The following ATP1B1 variants were observed in gnomAD, a reference collection of about 807,000 sequenced individuals.
ATP1B1 encodes the protein sodium/potassium-transporting ATPase subunit beta-1.
ATP1B1 carries 3 observed loss-of-function variants against 39.6 expected under a neutral mutation model. The ratio of observed to expected loss-of-function variants is 0.08; its 90% confidence interval spans 0.03 to 0.20. The LOEUF (loss-of-function observed/expected upper bound fraction) is 0.20. Among genes scored for constraint, ATP1B1 ranks in the 10% least tolerant of loss-of-function variants. The pLI, the probability that ATP1B1 is intolerant of heterozygous loss-of-function variation, is 1.00. For synonymous variants in ATP1B1, 139 were observed against 135.0 expected (o/e 1.03, Z -0.20); for missense variants, 216 against 371.1 (o/e 0.58, Z 3.43).
intron 2 of ATP1B1, among the ~76,000 whole-genome samples, chr1:169,123,819 G>A (rs183924800): frequency 6.6e-6 from 1 of 152,154 alleles, no homozygotes; most frequent in East Asian, 1.9e-4. Flanking sequence ...TAGAGACGGA[G>A]TTTCACCATG....
chr1:169,109,924 C>T (rs1657692160), intron 1 of ATP1B1, among the ~76,000 whole-genome samples: 1 of 152,064 alleles, frequency 6.6e-6, no homozygotes, highest in East Asian at 1.9e-4. Flanking sequence ...CCTACTGCTG[C>T]TTGGATACAG....
chr1:169,113,357 A>T (rs1657767560), intron 2 of ATP1B1, among the ~76,000 whole-genome samples: 2 of 152,112 alleles, frequency 1.3e-5, no homozygotes, highest in Admixed American at 1.3e-4. Context: ...ATGAGCTACC[A>T]TGCCTGGCCT....
intron 1 of ATP1B1, 75 bp from the exon 2 acceptor site, chr1:169,111,295 C>A: frequency 6.4e-7 from 1 of 1,574,704 alleles, no homozygotes; most frequent in South Asian, 1.1e-5. Flanking sequence ...GAAGCTTGTT[C>A]ATCCGTGGGA....
At chr1:169,123,768 A>T (rs1658033906) in intron 2 of ATP1B1, among the ~76,000 whole-genome samples, 1 of 152,002 alleles carries the variant, frequency 6.6e-6, no homozygotes, top group Non-Finnish European at 1.5e-5. Flanking sequence ...CTGGAATTAC[A>T]GGTGTGTGTC....
At position 169,131,043 on chromosome 1, in the gene ATP1B1, G is replaced by T. The variant is rs1163008611; in HGVS notation, c.649-249G>T. ...CAGCAAGGTGTTTCTGCCTTTCAAT[G>T]TTGGCCTTGTTTCTAGGAGGCTTGA... On this transcript the variant is annotated intron_variant, in intron 5 of 5. Transcript: ENST00000367815. The surrounding 1 kb of genome is among the most constrained non-coding windows in gnomAD (Gnocchi z 4.4). Among the ~76,000 whole-genome samples, 1 of 152,174 alleles carries T rather than the reference G, an allele frequency of 6.6e-6. No individual in the cohort carries two copies. The highest frequency in any genetic ancestry group is 1.5e-5 in the Non-Finnish European group (1 of 68,038).
intron 1 of ATP1B1, among the ~76,000 whole-genome samples, chr1:169,108,730 T>G (rs190408248): frequency 6.6e-6 from 1 of 152,308 alleles, no homozygotes; most frequent in Non-Finnish European, 1.5e-5. Context: ...GTGTGTCAAT[T>G]TTTATGTCTT....
chr1:169,115,536 A>T (rs1190935832), intron 2 of ATP1B1, among the ~76,000 whole-genome samples: 1 of 151,706 alleles, frequency 6.6e-6, no homozygotes, highest in Non-Finnish European at 1.5e-5. Flanking sequence ...TTTAGTAGAG[A>T]TGGGGTTTCA....
chr1:169,112,873 T>A (rs1164642119), intron 2 of ATP1B1, among the ~76,000 whole-genome samples: 1 of 152,218 alleles, frequency 6.6e-6, no homozygotes, highest in African/African-American at 2.4e-5. Flanking sequence ...GAAGCAAGAA[T>A]TCTGGAGTAT....
chr1:169,129,145 A>C (rs1488501925), intron 4 of ATP1B1, among the ~76,000 whole-genome samples: 2 of 152,206 alleles, frequency 1.3e-5, no homozygotes, highest in African/African-American at 4.8e-5. Context: ...CTTGCATCCA[A>C]AACAGAGTAG....
chr1:169,127,971 G>A (rs1287559179), intron 4 of ATP1B1, among the ~76,000 whole-genome samples: 1 of 152,140 alleles, frequency 6.6e-6, no homozygotes, highest in East Asian at 1.9e-4. Context: ...TGCTAGCCAT[G>A]CTGTTGGCTT....
chr1:169,131,221 G>A lies in ATP1B1; in HGVS notation c.649-71G>A. The A allele has an allele frequency of 1.3e-6, 2 of 1,556,568 alleles. No homozygotes were observed. The highest frequency in any genetic ancestry group is 8.7e-7 in the Non-Finnish European group (1 of 1,147,010). The stretch of plus-strand genomic sequence containing the variant: ...GTTTGCAAACTACTGTGTAGATTGA[G>A]TCTTGTTTTTGAGTACACATAGTGA... On this transcript the variant is annotated intron_variant, in intron 5 of 5. Transcript: ENST00000367815. The surrounding 1 kb of genome is among the most constrained non-coding windows in gnomAD (Gnocchi z 4.4).
chr1:169,132,673 T>C lies in ATP1B1; in HGVS notation c.*1118T>C. The C allele has an allele frequency of 1.0e-6, 1 of 975,072 alleles. No homozygotes were observed. The highest frequency in any genetic ancestry group is 1.6e-5 in the South Asian group (1 of 62,796). 60.4% of individuals were successfully genotyped at this position (975,072 alleles called of 1,614,324 possible). A position where few individuals can be genotyped will look rare whatever the true frequency, so the allele number is the denominator to read the frequency against. Reference sequence around the variant, plus strand: ...CAGGAGTACAGTGCTCTTGTTGATCTTGTATTCAGTCAGGTTAAAACAACG... The same window carrying C: ...CAGGAGTACAGTGCTCTTGTTGATCCTGTATTCAGTCAGGTTAAAACAACG... On this transcript the variant is annotated 3_prime_UTR_variant, in exon 6 of 6. Transcript: ENST00000367815.
At chr1:169,130,529 C>T (rs1658188646) in intron 5 of ATP1B1, among the ~76,000 whole-genome samples, 2 of 152,074 alleles carry the variant, frequency 1.3e-5, no homozygotes, top group African/African-American at 4.8e-5. Flanking sequence ...TGGCTCACGC[C>T]TGTAATCCTA....
In ATP1B1 at chr1:169,114,276, G is replaced by T. The variant is rs115854761; in HGVS notation, c.226+2778G>T. Among the ~76,000 whole-genome samples the T allele has an allele frequency of 8.6e-3, 1,310 of 151,498 alleles. 14 individuals carry two copies. The highest frequency in any genetic ancestry group is 0.03 in the African/African-American group (1,253 of 41,232). On this transcript the variant is annotated intron_variant, in intron 2 of 5. Coordinates refer to ENST00000367815, the MANE Select transcript of ATP1B1 (RefSeq NM_001677.4). The stretch of plus-strand genomic sequence containing the variant: ...TTTAAGAATACCCTGACAATTTTTT[G>T]GCTTCACATTAGTATCTTTAAAGCC...
At chr1:169,106,960 G>T (rs1416231972) in intron 1 of ATP1B1, 34 bp downstream of exon 1, 1 of 1,547,264 alleles carries the variant, frequency 6.5e-7, no homozygotes, top group Non-Finnish European at 8.7e-7. Flanking sequence ...CGGCCGCCGC[G>T]TCTGATCTTT....
intron 2 of ATP1B1, among the ~76,000 whole-genome samples, chr1:169,124,133 C>T (rs1658040759): frequency 6.6e-6 from 1 of 152,138 alleles, no homozygotes; most frequent in Non-Finnish European, 1.5e-5. Flanking sequence ...GGTTCACATA[C>T]CCATCTAGGA....
chr1:169,127,532 T>A, intron 4 of ATP1B1, 124 bp downstream of exon 4: 1 of 1,032,100 alleles, frequency 9.7e-7, no homozygotes, highest in Non-Finnish European at 1.4e-6. Context: ...ACGTAGCCAG[T>A]AGAGTAACAC....
chr1:169,120,339 T>C (rs978294050), intron 2 of ATP1B1, among the ~76,000 whole-genome samples: 1 of 152,180 alleles, frequency 6.6e-6, no homozygotes, highest in African/African-American at 2.4e-5. Flanking sequence ...TCAAAAGCTC[T>C]GTATCTTAAA....
chr1:169,127,809 TA>T (rs1039932692), intron 4 of ATP1B1, among the ~76,000 whole-genome samples: 35 of 151,438 alleles, frequency 2.3e-4, no homozygotes, highest in African/African-American at 6.5e-4. Flanking sequence ...AAGAATGGAT[TA>T]AAAAAAAAAT....
Sources: allele counts gnomAD v4.1 joint callset (sites outside exome capture counted in the v4.1 genomes callset), GRCh38; gene constraint gnomAD v4.1.1; non-coding constraint Gnocchi (gnomAD v3.1); transcripts MANE v1.5; gene names NCBI Gene and HGNC (gene_info 2026-07-23, HGNC 2026-07-21).